The following SERGEF variants were observed in gnomAD, a reference collection of about 807,000 sequenced individuals.
The protein encoded by SERGEF is secretion regulating guanine nucleotide exchange factor.
In SERGEF, 51 loss-of-function variants were observed where a neutral mutation model predicts 50.0. That is an observed-to-expected ratio of 1.02 (90% CI 0.81 to 1.29). The LOEUF is 1.29. Ranked by LOEUF, SERGEF falls within the 50% of genes most tolerant of loss-of-function variation. The pLI, the probability that SERGEF is intolerant of heterozygous loss-of-function variation, is 0.00. For missense variants in SERGEF, 521 were observed against 557.0 expected, an observed-to-expected ratio of 0.94 and a Z score of 0.65; for synonymous variants, 205 against 212.4, an observed-to-expected ratio of 0.97 and a Z score of 0.30.
intron 8 of SERGEF, among the ~76,000 whole-genome samples, chr11:17,967,029 T>A (rs938600988): frequency 1.3e-5 from 2 of 152,212 alleles, no homozygotes; most frequent in Non-Finnish European, 2.9e-5. Flanking sequence ...GCTGCAATAA[T>A]AACAATAATA....
intron 10 of SERGEF, among the ~76,000 whole-genome samples, chr11:17,875,316 T>C (rs749755217): frequency 6.6e-6 from 1 of 152,236 alleles, no homozygotes; most frequent in Non-Finnish European, 1.5e-5. Context: ...CAAAGTTACC[T>C]GGCATGCTCA....
chr11:18,010,168 T>C, intron 1 of SERGEF: 1 of 975,552 alleles, frequency 1.0e-6, no homozygotes, highest in Non-Finnish European at 1.4e-6. Flanking sequence ...TGTAAAATAA[T>C]TACAACAAAT....
chr11:17,845,414 G>GA (rs890445944), intron 10 of SERGEF, among the ~76,000 whole-genome samples: 8 of 152,314 alleles, frequency 5.3e-5, no homozygotes, highest in Admixed American at 5.2e-4. Context: ...GCCAAGTGCA[G>GA]AAAGGGTTCC....
At chr11:17,842,291 T>C (rs1214118201) in intron 10 of SERGEF, among the ~76,000 whole-genome samples, 1 of 152,184 alleles carries the variant, frequency 6.6e-6, no homozygotes, top group East Asian at 1.9e-4. Flanking sequence ...TCTAATAGTA[T>C]TTCTGAGGTT....
chr11:17,969,766 T>C (rs556717321), intron 8 of SERGEF, among the ~76,000 whole-genome samples: 54 of 152,320 alleles, frequency 3.5e-4, no homozygotes, highest in African/African-American at 1.2e-3. Flanking sequence ...ACCATATCTA[T>C]GTGATTCTCC....
rs58279017 is a variant in SERGEF at position 17,888,628 on chromosome 11, TACACACACACACACACACACACACACAC to T, written c.1012-10412_1012-10385del. ...AGTTATCAGTATGAACTCACAGTTT[TACACACACACACACACACACACACACAC>T]ACACACACACACACACACACACGCA... On this transcript the variant is annotated intron_variant, in intron 9 of 10. Coordinates refer to ENST00000265965, the MANE Select transcript of SERGEF (RefSeq NM_012139.4). The surrounding 1 kb of genome is among the most constrained non-coding windows in gnomAD (Gnocchi z 4.1). Among the ~76,000 whole-genome samples, 26 of 143,878 alleles carry T rather than the reference TACACACACACACACACACACACACACAC, an allele frequency of 1.8e-4. No individual in the cohort carries two copies. The East Asian group carries it at 2.2e-3, about 12-fold the overall frequency. The allele number at this position is 143,878 out of a possible 152,430, so 94.4% of individuals were successfully genotyped here.
chr11:17,903,994 G>C (rs866263741), intron 9 of SERGEF, among the ~76,000 whole-genome samples: 51 of 152,238 alleles, frequency 3.4e-4, no homozygotes, highest in African/African-American at 1.2e-3. Flanking sequence ...ACAAGTGCCA[G>C]ATCAGTTAGC....
At chr11:17,855,432 C>G (rs546697191) in intron 10 of SERGEF, 1 of 152,322 alleles carries the variant, frequency 6.6e-6, no homozygotes, top group South Asian at 2.1e-4. Context: ...GTAGTGCCCC[C>G]TTATCTTCAG....
chr11:17,890,466 A>G (rs1851511887), intron 9 of SERGEF, among the ~76,000 whole-genome samples: 1 of 152,174 alleles, frequency 6.6e-6, no homozygotes. Flanking sequence ...GTGTCTGTAT[A>G]TGCACAAACT....
At chr11:17,881,111 C>G (rs937572377) in intron 9 of SERGEF, among the ~76,000 whole-genome samples, 1 of 152,196 alleles carries the variant, frequency 6.6e-6, no homozygotes, top group African/African-American at 2.4e-5. Context: ...GTGGCAGCAG[C>G]AGAACTAAAA....
At chr11:17,996,505 G>A (rs1381704245) in intron 5 of SERGEF, among the ~76,000 whole-genome samples, 14 of 152,044 alleles carry the variant, frequency 9.2e-5, no homozygotes, top group South Asian at 2.1e-4. Flanking sequence ...TGATTTCAGC[G>A]GAATGGCCTT....
intron 8 of SERGEF, among the ~76,000 whole-genome samples, chr11:17,978,442 T>C (rs1039545307): frequency 1.3e-5 from 2 of 152,176 alleles, no homozygotes; most frequent in African/African-American, 2.4e-5. Flanking sequence ...TCCAGAGAAC[T>C]GAGGAGGAGA....
At chr11:17,988,942 A>G (rs561396205) in intron 7 of SERGEF, among the ~76,000 whole-genome samples, 187 bp from the exon 8 acceptor site, 1 of 152,366 alleles carries the variant, frequency 6.6e-6, no homozygotes, top group South Asian at 2.1e-4. Flanking sequence ...GATTTTCAAA[A>G]ATTCTATACA....
intron 10 of SERGEF, among the ~76,000 whole-genome samples, chr11:17,857,045 A>C (rs1192727464): frequency 6.6e-6 from 1 of 152,230 alleles, no homozygotes; most frequent in African/African-American, 2.4e-5. Flanking sequence ...TAATATCTCC[A>C]GTATGGGTGA....
Position 18,006,689 on chromosome 11 carries a change from T to C in SERGEF, c.254A>G (p.His85Arg), listed in dbSNP as rs1339084024. 1 of 1,614,190 alleles carries C rather than the reference T, an allele frequency of 6.2e-7. No individual in the cohort carries two copies. Among genetic ancestry groups the C allele is most frequent in the East Asian group, 2.2e-5 (1 of 44,888 alleles). ...LNKDGQLGLG[H>R]TEDIPYFTPC... ...GGTAAAATATGGGATATCCTCTGTG[T>C]GACCAAGCCCCAGTTGCCCATCTTT... The change falls in exon 3 of 11, where the codon CAC (histidine) becomes CGC (arginine). Residue 85 changes from histidine to arginine, a missense_variant. Transcript: ENST00000265965.
chr11:17,944,083 A>C (rs1852609397), intron 9 of SERGEF, among the ~76,000 whole-genome samples: 1 of 152,084 alleles, frequency 6.6e-6, no homozygotes, highest in African/African-American at 2.4e-5. Flanking sequence ...ACGTGCCACC[A>C]TGCCCAGCTA....
At chr11:17,867,802 G>A (rs990750598) in intron 10 of SERGEF, among the ~76,000 whole-genome samples, 5 of 152,174 alleles carry the variant, frequency 3.3e-5, no homozygotes, top group South Asian at 2.1e-4. Flanking sequence ...TGGTGCACTC[G>A]CAGGCTCGAC....
chr11:17,811,605 T>C (rs1458673190), intron 10 of SERGEF, among the ~76,000 whole-genome samples: 1 of 152,198 alleles, frequency 6.6e-6, no homozygotes, highest in African/African-American at 2.4e-5. Context: ...TCTGAGAGGT[T>C]TGACAAAGAA....
At position 17,788,215 on chromosome 11, in the gene SERGEF, T is replaced by C. The variant is rs149628273; in HGVS notation, c.1247A>G (p.Tyr416Cys). Residue 416 changes from tyrosine to cysteine, a missense_variant, in exon 11 of 11, where the codon TAC (tyrosine) becomes TGC (cysteine). Physicochemically the swap from Tyr to Cys is radical, Grantham distance 194 (BLOSUM62 -2). Coordinates refer to ENST00000265965, the MANE Select transcript of SERGEF (RefSeq NM_012139.4). ...PALVQDPKVT[Y>C]LSPDAIEDTE... ...GTCCTCGATGGCATCTGGGGAAAGG[T>C]AGGTGACCTTGGGGTCCTGGACCAA... 4,140 of 1,611,690 alleles carry C rather than the reference T, an allele frequency of 2.6e-3. 143 individuals carry two copies. In the Admixed American group the frequency reaches 0.059, roughly 23 times the overall value.
Sources: gnomAD v4.1 joint callset for allele counts (sites outside exome capture counted in the v4.1 genomes callset) on GRCh38, gnomAD v4.1.1 for gene constraint, Gnocchi (gnomAD v3.1) non-coding constraint, MANE v1.5 for transcripts, NCBI Gene and HGNC (gene_info 2026-07-23, HGNC 2026-07-21) for gene names.